The following DNAJC3 variants were observed in gnomAD, a reference collection of about 807,000 sequenced individuals.
DNAJC3 encodes dnaJ homolog subfamily C member 3.
DNAJC3 carries 38 observed loss-of-function variants against 68.6 expected under a neutral mutation model. That is an observed-to-expected ratio of 0.55 (90% CI 0.43 to 0.73). The LOEUF is 0.73. DNAJC3 is among the 30% of genes least tolerant of loss of function. The probability of loss-of-function intolerance (pLI) is 0.00; values close to 1 mark genes in which losing one functional copy is unlikely to be tolerated. For missense variants in DNAJC3, 526 were observed against 591.9 expected (o/e 0.89, Z 1.16); for synonymous variants, 203 against 204.0 (o/e 1.00, Z 0.04).
At chr13:95,762,015 G>C (rs902896869) in intron 7 of DNAJC3, among the ~76,000 whole-genome samples, 20 of 152,164 alleles carry the variant, frequency 1.3e-4, no homozygotes, top group Non-Finnish European at 4.4e-5. Context: ...ATTTACTGCA[G>C]TTTGTTTAAC....
chr13:95,737,273 TAA>T (rs1026239924), intron 4 of DNAJC3, among the ~76,000 whole-genome samples: 4 of 152,204 alleles, frequency 2.6e-5, no homozygotes, highest in African/African-American at 9.7e-5. Flanking sequence ...GATATTGGTC[TAA>T]AATTCTCTTT....
In DNAJC3 at chr13:95,786,165, T is replaced by TA. The variant is rs1183144765; in HGVS notation, c.1208+95dup. On this transcript the variant is annotated intron_variant, in intron 10 of 11. Coordinates refer to ENST00000602402, the MANE Select transcript of DNAJC3 (RefSeq NM_006260.5). ...TTTTTCCTCTCTGATTCATTTTCTT[T>TA]ACTTATGTAATTTCAGTCATATGGA... 6.9e-6 allele frequency: 9 copies of TA among 1,303,834 alleles called. No homozygotes were observed. In the African/African-American group the frequency reaches 1.2e-4, roughly 17 times the overall value. 80.8% of individuals were successfully genotyped at this position (1,303,834 alleles called of 1,614,324 possible). A position where few individuals can be genotyped will look rare whatever the true frequency, so the allele number is the denominator to read the frequency against.
In DNAJC3 at chr13:95,691,926, G is replaced by A. The variant is rs552149189; in HGVS notation, c.82+14589G>A. On this transcript the variant is annotated intron_variant, in intron 1 of 11. Coordinates refer to ENST00000602402, the MANE Select transcript of DNAJC3 (RefSeq NM_006260.5). ...GAAAACCAGTCAGGCGTGGCGGCGC[G>A]CGCCTGCAATCGCAGGCACTGGGCA... Among the ~76,000 whole-genome samples, 1,247 of 152,302 alleles carry A rather than the reference G, an allele frequency of 8.2e-3. 11 individuals are homozygous for A. Among genetic ancestry groups the A allele is most frequent in the Non-Finnish European group, 0.014 (973 of 68,022 alleles).
chr13:95,790,813 T>G, intron 11 of DNAJC3, 60 bp from the exon 12 acceptor site: 1 of 755,996 alleles, frequency 1.3e-6, no homozygotes, highest in Non-Finnish European at 2.1e-6. Context: ...AAAGAAAACA[T>G]TCCCCCTGCC....
chr13:95,690,094 A>T (rs1211687666), intron 1 of DNAJC3, among the ~76,000 whole-genome samples: 1 of 151,658 alleles, frequency 6.6e-6, no homozygotes, highest in Non-Finnish European at 1.5e-5. Context: ...AAACAAGTGA[A>T]CAAAGGTCTC....
chr13:95,784,509 G>A (rs758697139), intron 9 of DNAJC3, among the ~76,000 whole-genome samples: 3 of 152,166 alleles, frequency 2.0e-5, no homozygotes, highest in Admixed American at 1.3e-4. Context: ...AGGGAAGCTC[G>A]TTATAGACAC....
At chr13:95,743,599 C>G (rs1882214787) in intron 4 of DNAJC3, among the ~76,000 whole-genome samples, 1 of 152,138 alleles carries the variant, frequency 6.6e-6, no homozygotes. Context: ...GCCCTCTCAC[C>G]TAGGCTGGAG....
At chr13:95,716,982 C>G (rs1254660589) in intron 2 of DNAJC3, among the ~76,000 whole-genome samples, 1 of 152,178 alleles carries the variant, frequency 6.6e-6, no homozygotes, top group Non-Finnish European at 1.5e-5. Context: ...CAGCACTTCC[C>G]TGCCCCCCTC....
At chr13:95,713,332 C>T (rs1881034710) in intron 2 of DNAJC3, among the ~76,000 whole-genome samples, 1 of 152,118 alleles carries the variant, frequency 6.6e-6, no homozygotes. Flanking sequence ...AGCAAGGCCA[C>T]TCACTAGATA....
At chr13:95,785,050 A>C (rs1272316501) in intron 9 of DNAJC3, among the ~76,000 whole-genome samples, 1 of 152,224 alleles carries the variant, frequency 6.6e-6, no homozygotes, top group Non-Finnish European at 1.5e-5. Context: ...ATTTTGATTG[A>C]CACTTAGGTT....
chr13:95,791,088 G>A lies in DNAJC3; in HGVS notation c.*58G>A, dbSNP rs1001106883. The A allele has an allele frequency of 5.1e-6, 8 of 1,583,780 alleles. No homozygotes were observed. The highest frequency in any genetic ancestry group is 3.4e-4 in the Middle Eastern group (2 of 5,806). Reference sequence around the variant, plus strand: ...TAAAGATTAAAAACAAAGAAATCTTGTTCCGGGACCCTAATGAAAAAAAAT... The same window carrying A: ...TAAAGATTAAAAACAAAGAAATCTTATTCCGGGACCCTAATGAAAAAAAAT... On this transcript the variant is annotated 3_prime_UTR_variant, in exon 12 of 12. Transcript: ENST00000602402.
intron 9 of DNAJC3, among the ~76,000 whole-genome samples, chr13:95,779,119 C>CTTTTTT (rs142933580): frequency 1.1e-3 from 106 of 97,912 alleles, no homozygotes; most frequent in African/African-American, 3.0e-3. Flanking sequence ...TTTCTTCTTT[C>CTTTTTT]TTTTTTTTTT....
intron 4 of DNAJC3, among the ~76,000 whole-genome samples, chr13:95,746,398 T>G (rs1289887365): frequency 6.6e-6 from 1 of 152,178 alleles, no homozygotes; most frequent in Admixed American, 6.5e-5. Flanking sequence ...AGTGTAGACT[T>G]TATACATTTT....
At chr13:95,712,739 T>C (rs1371796354) in intron 2 of DNAJC3, among the ~76,000 whole-genome samples, 1 of 152,226 alleles carries the variant, frequency 6.6e-6, no homozygotes, top group Non-Finnish European at 1.5e-5. Context: ...TTAGCTCTAA[T>C]AATTTTTGTG....
At chr13:95,731,894 C>T (rs906159883) in intron 4 of DNAJC3, among the ~76,000 whole-genome samples, 2 of 148,290 alleles carry the variant, frequency 1.3e-5, no homozygotes, top group African/African-American at 5.1e-5. Context: ...ATCACCACGC[C>T]TGGCTAATTT....
chr13:95,775,979 T>TA (rs1291075761), intron 9 of DNAJC3, among the ~76,000 whole-genome samples: 2 of 151,700 alleles, frequency 1.3e-5, no homozygotes, highest in Non-Finnish European at 2.9e-5. Flanking sequence ...TCTGTGAAGA[T>TA]ACTCTTTTTA....
intron 9 of DNAJC3, among the ~76,000 whole-genome samples, chr13:95,764,350 TC>T (rs1474862448): frequency 1.8e-4 from 10 of 55,024 alleles, no homozygotes; most frequent in African/African-American, 8.7e-4. Context: ...ATACATATTC[TC>T]TCTCTCTCTC....
At chr13:95,784,107 C>T (rs543339173) in intron 9 of DNAJC3, among the ~76,000 whole-genome samples, 2 of 152,340 alleles carry the variant, frequency 1.3e-5, no homozygotes, top group East Asian at 1.9e-4. Context: ...CTTACATTCC[C>T]TCCATGTTTA....
chr13:95,774,969 G>A (rs1384580940), intron 9 of DNAJC3, among the ~76,000 whole-genome samples: 1 of 152,158 alleles, frequency 6.6e-6, no homozygotes, highest in Non-Finnish European at 1.5e-5. Flanking sequence ...CAATATTACT[G>A]TGATTATTGA....
Sources: allele counts gnomAD v4.1 joint callset (sites outside exome capture counted in the v4.1 genomes callset), GRCh38; gene constraint gnomAD v4.1.1; transcripts MANE v1.5; gene names NCBI Gene and HGNC (gene_info 2026-07-23, HGNC 2026-07-21).